The following TTC28 variants were observed in gnomAD, a reference collection of about 807,000 sequenced individuals.
TTC28 encodes tetratricopeptide repeat protein 28.
Under a neutral mutation model 198.0 loss-of-function variants are expected in TTC28, and 61 were observed. The ratio of observed to expected loss-of-function variants is 0.31; its 90% confidence interval spans 0.25 to 0.38. TTC28 has a LOEUF of 0.38. Among genes scored for constraint, TTC28 ranks in the 10% least tolerant of loss-of-function variants. The pLI is 1.00. For missense variants in TTC28, 2,678 were observed against 3,164.0 expected (o/e 0.85, Z 3.69); for synonymous variants, 1,171 against 1,297.8 (o/e 0.90, Z 2.10).
intron 2 of TTC28, among the ~76,000 whole-genome samples, chr22:28,373,852 T>G (rs1395576568): frequency 6.6e-6 from 1 of 152,188 alleles, no homozygotes; most frequent in Non-Finnish European, 1.5e-5. Context: ...GTTTTGCTTC[T>G]GAAAGCAAAC....
At chr22:28,456,082 C>A (rs1393174031) in intron 2 of TTC28, among the ~76,000 whole-genome samples, 1 of 151,230 alleles carries the variant, frequency 6.6e-6, no homozygotes, top group African/African-American at 2.4e-5. Flanking sequence ...TCACTCGAAC[C>A]TGGGAGGTGG....
At chr22:28,432,145 G>A (rs929994098) in intron 2 of TTC28, among the ~76,000 whole-genome samples, 7 of 151,688 alleles carry the variant, frequency 4.6e-5, no homozygotes, top group African/African-American at 1.5e-4. Flanking sequence ...AATTAGCCAG[G>A]CGTGGTGGCG....
chr22:28,636,399 T>C lies in TTC28; in HGVS notation c.103-6569A>G, dbSNP rs553677071. 7.2e-5 allele frequency among the ~76,000 whole-genome samples: 11 copies of C among 152,268 alleles called. No individual in the cohort carries two copies. In the South Asian group the frequency reaches 2.3e-3, roughly 32 times the overall value. ...GACTCGGCCTCCCAAAGTGCTGGGATTACAGGCTGGATTTCCTTAAGGTTG... is the reference window on the plus strand; with the variant it reads ...GACTCGGCCTCCCAAAGTGCTGGGACTACAGGCTGGATTTCCTTAAGGTTG... On this transcript the variant is annotated intron_variant, in intron 1 of 22. Coordinates refer to ENST00000397906, the MANE Select transcript of TTC28 (RefSeq NM_001145418.2).
At chr22:28,110,370 A>G (rs554083741) in intron 6 of TTC28, among the ~76,000 whole-genome samples, 7 of 152,368 alleles carry the variant, frequency 4.6e-5, no homozygotes, top group African/African-American at 1.4e-4. Flanking sequence ...AAAATGAGAA[A>G]AATAATAAAC....
At chr22:28,553,394 C>T (rs1601557633) in intron 2 of TTC28, among the ~76,000 whole-genome samples, 1 of 151,280 alleles carries the variant, frequency 6.6e-6, no homozygotes, top group African/African-American at 2.4e-5. Context: ...CGTCTCTGCC[C>T]GGCCGCCCAT....
chr22:28,584,778 G>A (rs2050289406), intron 2 of TTC28, among the ~76,000 whole-genome samples: 1 of 152,140 alleles, frequency 6.6e-6, no homozygotes, highest in South Asian at 2.1e-4. Context: ...TTATATTTTA[G>A]AAACCTGTTT....
chr22:28,679,408 C>A (rs1569096557), intron 1 of TTC28, among the ~76,000 whole-genome samples: 1 of 152,190 alleles, frequency 6.6e-6, no homozygotes, highest in Non-Finnish European at 1.5e-5. Context: ...CACCCTCACA[C>A]ACCCACACAC....
At chr22:28,208,579 C>T (rs1224534469) in intron 5 of TTC28, among the ~76,000 whole-genome samples, 3 of 152,176 alleles carry the variant, frequency 2.0e-5, no homozygotes, top group Non-Finnish European at 2.9e-5. Context: ...ATGACCATAT[C>T]TACCCTATGG....
chr22:28,622,520 A>C (rs974507430), intron 2 of TTC28, among the ~76,000 whole-genome samples: 1 of 148,964 alleles, frequency 6.7e-6, no homozygotes, highest in Non-Finnish European at 1.5e-5. Flanking sequence ...AAATAAACCA[A>C]TAAATAGCAT....
At chr22:28,042,563 A>T (rs1284473440) in intron 12 of TTC28, among the ~76,000 whole-genome samples, 2 of 152,054 alleles carry the variant, frequency 1.3e-5, no homozygotes, top group Admixed American at 1.3e-4. Context: ...AGGGAACATC[A>T]TACACTGGGG....
At chr22:28,606,821 G>C (rs1246113518) in intron 2 of TTC28, among the ~76,000 whole-genome samples, 1 of 151,970 alleles carries the variant, frequency 6.6e-6, no homozygotes, top group Non-Finnish European at 1.5e-5. Context: ...AAGATAAACA[G>C]GTAATAACAA....
chr22:28,608,098 C>T (rs1013251934), intron 2 of TTC28, among the ~76,000 whole-genome samples: 6 of 152,194 alleles, frequency 3.9e-5, no homozygotes, highest in African/African-American at 1.4e-4. Flanking sequence ...TGTACCAACA[C>T]AAGAAGTGTT....
rs898242670 is a variant in TTC28, at chr22:28,192,337, G to GA, written c.934-28739dup. The stretch of plus-strand genomic sequence containing the variant: ...AGGTAGATAAAACCACAAAGATGGG[G>GA]AAAAAAAAGAGCAGAAGAACTGGAA... On this transcript the variant is annotated intron_variant, in intron 5 of 22. Transcript: ENST00000397906. Among the ~76,000 whole-genome samples the GA allele has an allele frequency of 3.3e-5, 5 of 151,852 alleles. No homozygotes were observed. The East Asian group carries it at 5.8e-4, about 18-fold the overall frequency.
intron 1 of TTC28, among the ~76,000 whole-genome samples, chr22:28,678,739 G>C (rs2052041789): frequency 6.6e-6 from 1 of 152,160 alleles, no homozygotes; most frequent in Non-Finnish European, 1.5e-5. Flanking sequence ...GATATTTTCT[G>C]ATCATCTACA....
intron 6 of TTC28, among the ~76,000 whole-genome samples, chr22:28,113,677 C>T (rs1182435082): frequency 1.3e-5 from 2 of 152,164 alleles, no homozygotes; most frequent in East Asian, 3.8e-4. Flanking sequence ...GAAGCATTTA[C>T]ACATGAAACA....
chr22:28,276,264 C>T (rs1932419963), intron 5 of TTC28, among the ~76,000 whole-genome samples: 1 of 152,128 alleles, frequency 6.6e-6, no homozygotes, highest in South Asian at 2.1e-4. Context: ...CTGCCTGCCT[C>T]AGCCTCCCAA....
rs1011824742 is a variant in TTC28, at chr22:28,253,818, T to C, written c.933+42380A>G. Among the ~76,000 whole-genome samples, 8 of 151,976 alleles carry C rather than the reference T, an allele frequency of 5.3e-5. No individual in the cohort carries two copies. The East Asian group carries it at 1.5e-3, about 29-fold the overall frequency. ...GTATCATTAAGCAATATAAAGAATTTATGGGGCCGGGCACAGTGGCTCACG... is the reference window on the plus strand; with the variant it reads ...GTATCATTAAGCAATATAAAGAATTCATGGGGCCGGGCACAGTGGCTCACG... On this transcript the variant is annotated intron_variant, in intron 5 of 22. Coordinates refer to ENST00000397906, the MANE Select transcript of TTC28 (RefSeq NM_001145418.2).
In TTC28 at chr22:28,083,277, C is replaced by T. The variant is rs185417936; in HGVS notation, c.3932+10803G>A. Among the ~76,000 whole-genome samples the T allele has an allele frequency of 9.1e-4, 139 of 152,018 alleles. 2 individuals are homozygous for T. Among genetic ancestry groups the T allele is most frequent in the African/African-American group, 3.0e-3 (123 of 41,438 alleles). On this transcript the variant is annotated intron_variant, in intron 12 of 22. Coordinates refer to ENST00000397906, the MANE Select transcript of TTC28 (RefSeq NM_001145418.2). ...AGACCCCTGAGCTAGAGTAGAGAGA[C>T]AGAAATTACAGGGTACATTTAGAGA...
intron 5 of TTC28, among the ~76,000 whole-genome samples, chr22:28,285,134 GTGTT>G (rs1290791198): frequency 3.3e-5 from 5 of 152,166 alleles, no homozygotes; most frequent in Non-Finnish European, 7.4e-5. Flanking sequence ...ATGTGTGTGT[GTGTT>G]TGTGTGTGTA....
Sources: allele counts gnomAD v4.1 joint callset (sites outside exome capture counted in the v4.1 genomes callset), GRCh38; gene constraint gnomAD v4.1.1; transcripts MANE v1.5; gene names NCBI Gene and HGNC (gene_info 2026-07-23, HGNC 2026-07-21).